The following NBPF8 variants were observed in gnomAD, a reference collection of about 807,000 sequenced individuals.
The protein encoded by NBPF8 is NBPF family member NBPF8.
chr1:120,434,651 A>T (rs1489046444), upstream of NBPF8, among the ~76,000 whole-genome samples: 5 of 151,568 alleles, frequency 3.3e-5, no homozygotes, highest in Admixed American at 3.3e-4. Flanking sequence ...AATGCCCTTC[A>T]TTGGGGAAAT....
intron 15 of NBPF8, among the ~76,000 whole-genome samples, chr1:120,454,881 A>AT (rs1352751089): frequency 1.4e-5 from 2 of 143,666 alleles, no homozygotes; most frequent in African/African-American, 5.3e-5. Flanking sequence ...CATCTGGCTA[A>AT]TTTTTGTATT....
chr1:120,428,198 G>T (rs1660774789), intron 3 of NBPF8, among the ~76,000 whole-genome samples: 1 of 152,154 alleles, frequency 6.6e-6, no homozygotes, highest in South Asian at 2.1e-4. Context: ...AGGTGGCCAT[G>T]AAACAGATGG....
chr1:120,421,406 T>C (rs1269888427), intron 1 of NBPF8, among the ~76,000 whole-genome samples: 6 of 151,124 alleles, frequency 4.0e-5, no homozygotes, highest in African/African-American at 1.5e-4. Context: ...CCACTCTTTT[T>C]CTCTCTCTCT....
intron 1 of NBPF8, among the ~76,000 whole-genome samples, chr1:120,423,210 C>A (rs1660620101): frequency 7.6e-6 from 1 of 131,616 alleles, no homozygotes; most frequent in Non-Finnish European, 1.5e-5. Flanking sequence ...AACCCAGGAT[C>A]CCTCAGATTT....
intron 1 of NBPF8, among the ~76,000 whole-genome samples, chr1:120,423,174 G>A (rs1477311138): frequency 1.5e-5 from 2 of 135,268 alleles, no homozygotes; most frequent in East Asian, 3.9e-4. Flanking sequence ...TGTGCTTTTG[G>A]TTTTGTATCT....
intron 1 of NBPF8, among the ~76,000 whole-genome samples, 98 bp downstream of exon 2, chr1:120,420,216 C>T (rs1350413437): frequency 7.2e-5 from 11 of 151,824 alleles, no homozygotes; most frequent in Non-Finnish European, 1.3e-4. Flanking sequence ...CCCTAAACAT[C>T]GCAGGGCCTT....
At chr1:120,415,381 G>A (rs1160457241), upstream of NBPF8, among the ~76,000 whole-genome samples, 3 of 151,938 alleles carry the variant, frequency 2.0e-5, no homozygotes, top group African/African-American at 7.2e-5. Flanking sequence ...GACGGAGGGC[G>A]AGGCGGGGTG....
Position 120,420,099 on chromosome 1 carries a change from AG to A in NBPF8, n.251del. Among the ~76,000 whole-genome samples the A allele has an allele frequency of 7.9e-6, 1 of 126,356 alleles. No individual in the cohort carries two copies. Among genetic ancestry groups the A allele is most frequent in the South Asian group, 2.8e-4 (1 of 3,526 alleles). The allele number at this position is 126,356 out of a possible 152,430, so 82.9% of individuals were successfully genotyped here. ...ACCTCACACGGTGTGGGCCGAATGA[AG>A]AGCTGCCAGATCCCACAGGTAAAAA... On this transcript the variant is annotated non_coding_transcript_exon_variant, in exon 1 of 29. An upstream open reading frame in the 5' UTR gains an earlier in-frame stop. Coordinates refer to the NBPF8 transcript ENST00000652355.
chr1:120,421,524 C>T (rs1239687651), intron 1 of NBPF8, among the ~76,000 whole-genome samples: 30 of 150,452 alleles, frequency 2.0e-4, no homozygotes, highest in South Asian at 6.4e-4. Flanking sequence ...TCCTTCCTTC[C>T]TCCCTTCCTC....
intron 15 of NBPF8, 81 bp downstream of exon 13, chr1:120,454,195 A>G (rs1183972536): frequency 1.4e-6 from 2 of 1,475,900 alleles, no homozygotes; most frequent in African/African-American, 2.8e-5. Flanking sequence ...TATAAACACA[A>G]ATTCATTTGA....
At chr1:120,431,131 G>GA (rs61296977) in intron 3 of NBPF8, among the ~76,000 whole-genome samples, 58 of 137,362 alleles carry the variant, frequency 4.2e-4, no homozygotes, top group Middle Eastern at 3.7e-3. Flanking sequence ...GTGTTTTGTT[G>GA]AAAAAAAAAA....
intron 1 of NBPF8, among the ~76,000 whole-genome samples, chr1:120,424,182 T>C (rs1455516975): frequency 6.6e-6 from 1 of 151,946 alleles, no homozygotes; most frequent in African/African-American, 2.4e-5. Context: ...TTTTCCTGTG[T>C]TTGGGACTTT....
At chr1:120,469,466 C>A (rs1474755451), downstream of NBPF8, among the ~76,000 whole-genome samples, 1 of 141,406 alleles carries the variant, frequency 7.1e-6, no homozygotes, top group Non-Finnish European at 1.5e-5. Context: ...AATGTCCTGG[C>A]ACCCTGGTGC....
At chr1:120,424,430 A>C (rs1393828164) in intron 1 of NBPF8, among the ~76,000 whole-genome samples, 3 of 152,008 alleles carry the variant, frequency 2.0e-5, no homozygotes, top group African/African-American at 7.3e-5. Flanking sequence ...TTTGGAGTTA[A>C]GTAGTGAACC....
rs1462266649 is a variant in NBPF8 at position 120,426,261 on chromosome 1, CTGTT to C, written n.368+418_368+421del. Among the ~76,000 whole-genome samples the C allele has an allele frequency of 4.0e-5, 6 of 150,314 alleles. No homozygotes were observed. In the East Asian group the frequency reaches 1.2e-3, roughly 30 times the overall value. On this transcript the variant is annotated intron_variant and non_coding_transcript_variant, in intron 2 of 28. Transcript: ENST00000652355. ...GCCACGTGCTTTCCTCCTTACCTGT[CTGTT>C]TCATCTTTCAACCAATAACAACTCA... is the stretch of plus-strand genomic sequence containing the variant.
At position 120,461,016 on chromosome 1, in the gene NBPF8, C is replaced by CTGTGTGTGTGTG. The variant is rs202089337; in HGVS notation, n.2837-200_2837-189dup. On this transcript the variant is annotated intron_variant and non_coding_transcript_variant, in intron 18 of 24. Transcript: ENST00000583271. ...ACCTGACCAATTCACTGAGCTCGAACTGTGTGTGTGTGTGTGTGTGTGTGT... is the reference window on the plus strand; with the variant it reads ...ACCTGACCAATTCACTGAGCTCGAACTGTGTGTGTGTGTGTGTGTGTGTGTGTGTGTGTGTGT... Among the ~76,000 whole-genome samples, 210 of 131,308 alleles carry CTGTGTGTGTGTG rather than the reference C, an allele frequency of 1.6e-3. 1 individual carries two copies. Among genetic ancestry groups the CTGTGTGTGTGTG allele is most frequent in the Non-Finnish European group, 1.8e-3 (113 of 61,164 alleles). 86.1% of individuals were successfully genotyped at this position (131,308 alleles called of 152,430 possible). A position where few individuals can be genotyped will look rare whatever the true frequency, so the allele number is the denominator to read the frequency against.
intron 3 of NBPF8, among the ~76,000 whole-genome samples, chr1:120,428,681 C>T (rs1330492829): frequency 2.0e-5 from 3 of 151,994 alleles, no homozygotes; most frequent in East Asian, 1.9e-4. Context: ...TGGGGCCATG[C>T]GGTCTGTGGT....
At chr1:120,428,635 T>G (rs1466023428) in intron 3 of NBPF8, among the ~76,000 whole-genome samples, 1 of 152,174 alleles carries the variant, frequency 6.6e-6, no homozygotes, top group Non-Finnish European at 1.5e-5. Flanking sequence ...TCTGGACAAA[T>G]GAGCAGCCGA....
intron 15 of NBPF8, among the ~76,000 whole-genome samples, chr1:120,455,015 A>G (rs2101684777): frequency 6.7e-6 from 1 of 148,430 alleles, no homozygotes; most frequent in African/African-American, 2.5e-5. Context: ...GTTCAAATTT[A>G]TCTATCAGTC....
Sources: allele counts gnomAD v4.1 joint callset (sites outside exome capture counted in the v4.1 genomes callset), GRCh38; gene constraint gnomAD v4.1.1; transcripts MANE v1.5; gene names NCBI Gene and HGNC (gene_info 2026-07-23, HGNC 2026-07-21).